GSK3B: variants seen among roughly 807,000 people sequenced by gnomAD.
The protein encoded by GSK3B is glycogen synthase kinase 3 beta.
Under a neutral mutation model 56.4 loss-of-function variants are expected in GSK3B, and 15 were observed. The ratio of observed to expected loss-of-function variants is 0.27; its 90% CI spans 0.18 to 0.41. GSK3B has a LOEUF of 0.41. GSK3B is among the 10% of genes least tolerant of loss of function. The pLI is 1.00. For missense variants in GSK3B, 300 were observed against 513.4 expected, an observed-to-expected ratio of 0.58 and a Z score of 4.02; for synonymous variants, 181 against 188.9, an observed-to-expected ratio of 0.96 and a Z score of 0.34.
At chr3:120,072,275 C>T (rs906240754) in intron 1 of GSK3B, among the ~76,000 whole-genome samples, 1 of 152,146 alleles carries the variant, frequency 6.6e-6, no homozygotes. Context: ...TAATTATCTT[C>T]GGCCGGGCAC....
chr3:119,931,092 G>A (rs1048097718), intron 3 of GSK3B, among the ~76,000 whole-genome samples: 5 of 152,240 alleles, frequency 3.3e-5, no homozygotes, highest in African/African-American at 1.2e-4. Context: ...AACACCATAT[G>A]TAGGGAAAAC....
chr3:119,925,653 C>T (rs1411697513), intron 3 of GSK3B, among the ~76,000 whole-genome samples: 2 of 152,028 alleles, frequency 1.3e-5, no homozygotes, highest in Admixed American at 6.6e-5. Flanking sequence ...TTAATTATTC[C>T]GTGTGGAAAC....
chr3:120,013,339 T>G (rs1224070193), intron 1 of GSK3B, among the ~76,000 whole-genome samples: 2 of 152,238 alleles, frequency 1.3e-5, no homozygotes, highest in African/African-American at 4.8e-5. Context: ...TAATTTGATG[T>G]TTCTTGTTTT....
chr3:119,932,831 T>C (rs1255339771), intron 3 of GSK3B, among the ~76,000 whole-genome samples: 1 of 152,116 alleles, frequency 6.6e-6, no homozygotes, highest in Admixed American at 6.6e-5. Context: ...AAATATAGGC[T>C]GGGTACGGTG....
chr3:119,948,014 T>G (rs2057117194), intron 2 of GSK3B, among the ~76,000 whole-genome samples: 1 of 152,218 alleles, frequency 6.6e-6, no homozygotes, highest in Non-Finnish European at 1.5e-5. Flanking sequence ...AATATGATGA[T>G]TTCTTAATAC....
chr3:119,827,584 T>C (rs752110775), intron 10 of GSK3B, among the ~76,000 whole-genome samples: 11 of 51,848 alleles, frequency 2.1e-4, no homozygotes, highest in Non-Finnish European at 3.5e-4. Flanking sequence ...GATACCGTCT[T>C]TAAAAAAAAA....
At chr3:119,869,058 T>G (rs1283849809) in intron 8 of GSK3B, among the ~76,000 whole-genome samples, 4 of 151,718 alleles carry the variant, frequency 2.6e-5, no homozygotes, top group African/African-American at 9.7e-5. Context: ...TCCCTATCTT[T>G]ACTAAAAATA....
At chr3:120,005,940 T>C (rs918819458) in intron 1 of GSK3B, among the ~76,000 whole-genome samples, 4 of 152,130 alleles carry the variant, frequency 2.6e-5, no homozygotes, top group African/African-American at 4.8e-5. Context: ...TAACCTTAAA[T>C]GTAAATGGGC....
intron 10 of GSK3B, among the ~76,000 whole-genome samples, chr3:119,830,460 T>A (rs1559799436): frequency 6.6e-6 from 1 of 152,160 alleles, no homozygotes; most frequent in African/African-American, 2.4e-5. Context: ...GTAATTTCTG[T>A]AACTTTTCTT....
intron 4 of GSK3B, among the ~76,000 whole-genome samples, chr3:119,921,926 C>T (rs1220787394): frequency 6.6e-6 from 1 of 152,076 alleles, no homozygotes; most frequent in Non-Finnish European, 1.5e-5. Context: ...CAATTGAGGT[C>T]AGGAGTTCAA....
intron 7 of GSK3B, among the ~76,000 whole-genome samples, chr3:119,883,473 T>C (rs1488490486): frequency 1.3e-5 from 2 of 151,966 alleles, no homozygotes; most frequent in Admixed American, 6.6e-5. Flanking sequence ...AGATGAGAGA[T>C]TTTCTAGTTC....
chr3:120,073,461 C>G (rs2058344368), intron 1 of GSK3B, among the ~76,000 whole-genome samples: 1 of 152,112 alleles, frequency 6.6e-6, no homozygotes, highest in African/African-American at 2.4e-5. Context: ...ACACTTCTTA[C>G]CCATCTCTCA....
intron 1 of GSK3B, among the ~76,000 whole-genome samples, chr3:120,087,749 T>A (rs1400542700): frequency 2.6e-5 from 4 of 152,122 alleles, no homozygotes; most frequent in African/African-American, 9.7e-5. Context: ...CTAAGAAAAC[T>A]ATTCAATACA....
intron 1 of GSK3B, among the ~76,000 whole-genome samples, chr3:120,059,558 G>A (rs1013974780): frequency 2.6e-5 from 4 of 152,198 alleles, no homozygotes; most frequent in South Asian, 4.1e-4. Context: ...TACAACTTCC[G>A]AATTCCAAAG....
intron 5 of GSK3B, among the ~76,000 whole-genome samples, chr3:119,915,644 G>A (rs2056773233): frequency 6.6e-6 from 1 of 151,928 alleles, no homozygotes; most frequent in African/African-American, 2.4e-5. Context: ...TTCATTTAAT[G>A]TTTCCTAGAC....
chr3:120,028,202 G>A (rs1358843285), intron 1 of GSK3B, among the ~76,000 whole-genome samples: 1 of 152,200 alleles, frequency 6.6e-6, no homozygotes, highest in Non-Finnish European at 1.5e-5. Flanking sequence ...GTAAAAGGCT[G>A]TATGTTTATC....
chr3:120,092,467 AT>A (rs1177008442), intron 1 of GSK3B, among the ~76,000 whole-genome samples: 1 of 152,232 alleles, frequency 6.6e-6, no homozygotes, highest in Non-Finnish European at 1.5e-5. Flanking sequence ...TTAACAGGTA[AT>A]GAATGCAGTA....
rs966641605 is a variant in GSK3B at position 119,822,435 on chromosome 3, GA to G, written c.*4352del. 3.7e-5 allele frequency: 8 copies of G among 216,684 alleles called. No individual in the cohort carries two copies. The highest frequency in any genetic ancestry group is 6.8e-5 in the East Asian group (1 of 14,680). 13.4% of individuals were successfully genotyped at this position (216,684 alleles called of 1,614,324 possible). A position where few individuals can be genotyped will look rare whatever the true frequency, so the allele number is the denominator to read the frequency against. ...CTGCCTGTAGACAGATATAGTTAAGGAAAAAAAAACTTAAAAATTAACACAA... is the reference window on the plus strand; with the variant it reads ...CTGCCTGTAGACAGATATAGTTAAGGAAAAAAAACTTAAAAATTAACACAA... On this transcript the variant is annotated 3_prime_UTR_variant, in exon 11 of 11. Transcript: ENST00000264235.
At position 120,056,850 on chromosome 3, in the gene GSK3B, T is replaced by C. The variant is rs531147363; in HGVS notation, c.88+36497A>G. ...AGGGGCCAATATACAGGTAGAAAAA[T>C]AACCTTCAGAAGCTGGGCACAGTGG... On this transcript the variant is annotated intron_variant, in intron 1 of 10. Coordinates refer to ENST00000264235, the MANE Select transcript of GSK3B (RefSeq NM_001146156.2). 4.6e-5 allele frequency among the ~76,000 whole-genome samples: 7 copies of C among 152,032 alleles called. No homozygotes were observed. The South Asian group carries it at 1.5e-3, about 32-fold the overall frequency.
Sources: allele counts gnomAD v4.1 joint callset (sites outside exome capture counted in the v4.1 genomes callset), GRCh38; gene constraint gnomAD v4.1.1; transcripts MANE v1.5; gene names NCBI Gene and HGNC (gene_info 2026-07-23, HGNC 2026-07-21).